L3MBTL3: variants seen among roughly 807,000 people sequenced by gnomAD.
The protein encoded by L3MBTL3 is L3MBTL histone methyl-lysine binding protein 3.
In L3MBTL3, 27 loss-of-function variants were observed where a neutral mutation model predicts 102.3. The ratio of observed to expected loss-of-function variants is 0.26; its 90% CI spans 0.19 to 0.36. L3MBTL3 has a LOEUF of 0.36. L3MBTL3 is among the 10% of genes least tolerant of loss of function. The pLI is 1.00. For missense variants in L3MBTL3, 798 were observed against 955.3 expected (o/e 0.84, Z 2.17); for synonymous variants, 340 against 320.9 (o/e 1.06, Z -0.64).
chr6:130,058,521 T>G (rs1206711313), intron 9 of L3MBTL3, among the ~76,000 whole-genome samples: 2 of 151,470 alleles, frequency 1.3e-5, no homozygotes, highest in South Asian at 2.1e-4. Context: ...TGTTCAAAGT[T>G]GCAGTGAGCT....
chr6:130,063,439 G>A (rs574673484), intron 10 of L3MBTL3, among the ~76,000 whole-genome samples: 1 of 152,284 alleles, frequency 6.6e-6, no homozygotes, highest in East Asian at 1.9e-4. Context: ...TTCAGGTGGA[G>A]TTGATTTTTG....
At position 130,104,430 on chromosome 6, in the gene L3MBTL3, G is replaced by T; in HGVS notation, c.1741G>T (p.Ala581Ser). Reference protein sequence around the residue: ...RARHLGPHSAANCPYSEINLN... With the variant: ...RARHLGPHSASNCPYSEINLN... ...TCTTTTCTTTTAATCTGTTAGTGCT[G>T]CCAACTGTCCCTATTCAGAAATCAA... The change falls in exon 19 of 23, where the codon GCC becomes TCC. Residue 581 changes from alanine to serine, a missense_variant. Transcript: ENST00000361794. 6.5e-7 allele frequency: 1 copy of T among 1,533,608 alleles called. No homozygotes were observed. The highest frequency in any genetic ancestry group is 8.7e-7 in the Non-Finnish European group (1 of 1,144,562).
At chr6:130,043,576 C>T (rs1193170637) in intron 3 of L3MBTL3, among the ~76,000 whole-genome samples, 1 of 152,174 alleles carries the variant, frequency 6.6e-6, no homozygotes, top group Non-Finnish European at 1.5e-5. Flanking sequence ...GTCTGTGGCC[C>T]TTTAGACTTT....
chr6:130,113,997 G>T (rs554018885), intron 19 of L3MBTL3, among the ~76,000 whole-genome samples: 19 of 152,288 alleles, frequency 1.2e-4, no homozygotes, highest in African/African-American at 4.6e-4. Context: ...CTTCTGGGCC[G>T]AGAGCTTCAT....
At chr6:130,124,498 T>C (rs1394173759) in intron 20 of L3MBTL3, among the ~76,000 whole-genome samples, 1 of 152,234 alleles carries the variant, frequency 6.6e-6, no homozygotes, top group African/African-American at 2.4e-5. Flanking sequence ...CTGCCTTCTT[T>C]TGTGATGTTT....
chr6:130,042,842 C>A, intron 3 of L3MBTL3, 41 bp downstream of exon 3: 1 of 1,251,256 alleles, frequency 8.0e-7, no homozygotes, highest in Non-Finnish European at 1.2e-6. Flanking sequence ...GTGTGTGCAT[C>A]TGTGCGTATG....
rs536020632 is a variant in L3MBTL3, at chr6:130,135,834, C to T, written c.2199+1929C>T. Among the ~76,000 whole-genome samples the T allele has an allele frequency of 8.5e-5, 13 of 152,232 alleles. No individual in the cohort carries two copies. In the South Asian group the frequency reaches 2.1e-3, roughly 24 times the overall value. On this transcript the variant is annotated intron_variant, in intron 22 of 22. Transcript: ENST00000361794. ...TCATGCTCTTGTGAGAAGGATGATT[C>T]GAAAATAATGAAACCTAGTCCTTGT...
At chr6:130,106,197 T>A (rs1213126602) in intron 19 of L3MBTL3, among the ~76,000 whole-genome samples, 1 of 152,222 alleles carries the variant, frequency 6.6e-6, no homozygotes, top group African/African-American at 2.4e-5. Flanking sequence ...ATTGATTACC[T>A]AATAATTATT....
chr6:130,039,244 C>G (rs1780258873), intron 2 of L3MBTL3, among the ~76,000 whole-genome samples: 1 of 151,982 alleles, frequency 6.6e-6, no homozygotes, highest in East Asian at 1.9e-4. Context: ...TTCATCTATT[C>G]CTTTCAATTT....
At chr6:130,098,211 G>A (rs1262672459) in intron 18 of L3MBTL3, among the ~76,000 whole-genome samples, 1 of 152,204 alleles carries the variant, frequency 6.6e-6, no homozygotes, top group African/African-American at 2.4e-5. Context: ...GAAGTCCATG[G>A]AATGTTTTCA....
chr6:130,045,931 A>G (rs1416023819), intron 3 of L3MBTL3, among the ~76,000 whole-genome samples: 1 of 152,214 alleles, frequency 6.6e-6, no homozygotes, highest in Non-Finnish European at 1.5e-5. Context: ...ACTTTTGCCT[A>G]AGCAAGCTTT....
intron 18 of L3MBTL3, among the ~76,000 whole-genome samples, chr6:130,103,727 A>G (rs563463624): frequency 6.6e-6 from 1 of 152,366 alleles, no homozygotes; most frequent in South Asian, 2.1e-4. Flanking sequence ...TGGTGAATTA[A>G]CAGTGAGTGA....
At chr6:130,030,274 G>T (rs2114546020) in intron 2 of L3MBTL3, among the ~76,000 whole-genome samples, 1 of 152,072 alleles carries the variant, frequency 6.6e-6, no homozygotes, top group East Asian at 1.9e-4. Flanking sequence ...CTATGGAGAG[G>T]ATATACCTAA....
chr6:130,140,713 C>T lies in L3MBTL3; in HGVS notation c.*960C>T, dbSNP rs1788192760. On this transcript the variant is annotated 3_prime_UTR_variant, in exon 23 of 23. Coordinates refer to ENST00000361794, the MANE Select transcript of L3MBTL3 (RefSeq NM_032438.4). Reference sequence around the variant, plus strand: ...TAAGAGCTCATTCTGTCAACAGAAACACTAATCTGTACAGAGCGCTGTCTC... The same window carrying T: ...TAAGAGCTCATTCTGTCAACAGAAATACTAATCTGTACAGAGCGCTGTCTC... 1 of 152,220 alleles carries T rather than the reference C, an allele frequency of 6.6e-6. No homozygotes were observed. The highest frequency in any genetic ancestry group is 2.1e-4 in the South Asian group (1 of 4,832). 9.4% of individuals were successfully genotyped at this position (152,220 alleles called of 1,614,324 possible).
chr6:130,131,094 C>T lies in L3MBTL3; in HGVS notation c.1967-2358C>T, dbSNP rs142729331. Among the ~76,000 whole-genome samples, 1,131 of 152,066 alleles carry T rather than the reference C, an allele frequency of 7.4e-3. 3 individuals are homozygous for T. The highest frequency in any genetic ancestry group is 0.012 in the Non-Finnish European group (794 of 67,974). ...TTAATGAGAGATATTAAAGAAGAGCCAAAGAAATTGAGGGATTTAGCTTCT... is the reference window on the plus strand; with the variant it reads ...TTAATGAGAGATATTAAAGAAGAGCTAAAGAAATTGAGGGATTTAGCTTCT... On this transcript the variant is annotated intron_variant, in intron 20 of 22. Coordinates refer to ENST00000361794, the MANE Select transcript of L3MBTL3 (RefSeq NM_032438.4).
intron 13 of L3MBTL3, among the ~76,000 whole-genome samples, chr6:130,074,866 G>C (rs1243057568): frequency 1.3e-5 from 2 of 152,196 alleles, no homozygotes; most frequent in Non-Finnish European, 2.9e-5. Flanking sequence ...AGGGTTATTA[G>C]TGAATTAGAA....
intron 20 of L3MBTL3, among the ~76,000 whole-genome samples, chr6:130,132,888 G>A (rs1787214310): frequency 1.3e-5 from 2 of 151,892 alleles, no homozygotes; most frequent in Admixed American, 1.3e-4. Flanking sequence ...TTGCATTTCT[G>A]CTGTTTTATT....
At chr6:130,073,332 A>C (rs1203796378) in intron 13 of L3MBTL3, among the ~76,000 whole-genome samples, 1 of 152,140 alleles carries the variant, frequency 6.6e-6, no homozygotes, top group Non-Finnish European at 1.5e-5. Flanking sequence ...AAACAGTCTA[A>C]ATCTGTCCTG....
intron 10 of L3MBTL3, among the ~76,000 whole-genome samples, chr6:130,062,512 T>C (rs1327342757): frequency 6.6e-6 from 1 of 151,174 alleles, no homozygotes; most frequent in African/African-American, 2.4e-5. Context: ...CAGCCTCCCA[T>C]GTAGCTGGGA....
Sources: allele counts gnomAD v4.1 joint callset (sites outside exome capture counted in the v4.1 genomes callset), GRCh38; gene constraint gnomAD v4.1.1; transcripts MANE v1.5; gene names NCBI Gene and HGNC (gene_info 2026-07-23, HGNC 2026-07-21).